The following C6orf132 variants were observed in gnomAD, a reference collection of about 807,000 sequenced individuals.
The protein encoded by C6orf132 is uncharacterized protein C6orf132.
In C6orf132, 43 loss-of-function variants were observed where a neutral mutation model predicts 65.3. That is an observed-to-expected ratio of 0.66 (90% CI 0.52 to 0.85). The LOEUF (loss-of-function observed/expected upper bound fraction) is 0.85. Ranked by LOEUF, C6orf132 falls within the 40% of genes least tolerant of loss-of-function variation. The pLI is 0.00. For synonymous variants in C6orf132, 631 were observed against 654.1 expected, an observed-to-expected ratio of 0.96 and a Z score of 0.54; for missense variants, 1,488 against 1,548.8, an observed-to-expected ratio of 0.96 and a Z score of 0.66.
intron 3 of C6orf132, among the ~76,000 whole-genome samples, chr6:42,109,886 G>A (rs1380782974): frequency 6.6e-6 from 1 of 152,178 alleles, no homozygotes; most frequent in Non-Finnish European, 1.5e-5. Flanking sequence ...TTGCCCAAGG[G>A]AGCAAAGTGA....
At chr6:42,126,663 G>T in intron 2 of C6orf132, 1 of 246,190 alleles carries the variant, frequency 4.1e-6, no homozygotes, top group Non-Finnish European at 7.7e-6. Context: ...CCAAAATGGT[G>T]AAACCCTGTC....
At chr6:42,123,167 G>C (rs1158788938) in intron 2 of C6orf132, among the ~76,000 whole-genome samples, 1 of 151,970 alleles carries the variant, frequency 6.6e-6, no homozygotes, top group Non-Finnish European at 1.5e-5. Flanking sequence ...AGATCATGAG[G>C]ACAGGAGATC....
intron 2 of C6orf132, chr6:42,126,367 C>T (rs1311707860): frequency 6.6e-6 from 1 of 151,474 alleles, no homozygotes; most frequent in African/African-American, 2.4e-5. Flanking sequence ...CATGAGCCAC[C>T]ACACCTGGCT....
At chr6:42,140,477 T>C (rs1767015170) in intron 1 of C6orf132, among the ~76,000 whole-genome samples, 1 of 152,240 alleles carries the variant, frequency 6.6e-6, no homozygotes, top group Non-Finnish European at 1.5e-5. Context: ...GCAGAGTTAA[T>C]TCAGCAAACC....
In C6orf132 at chr6:42,142,523, G is replaced by C. The variant is rs1057210404; in HGVS notation, c.-79C>G. The C allele has an allele frequency of 6.9e-7, 1 of 1,450,052 alleles. No homozygotes were observed. The highest frequency in any genetic ancestry group is 9.2e-7 in the Non-Finnish European group (1 of 1,082,526). The allele number at this position is 1,450,052 out of a possible 1,614,324, so 89.8% of individuals were successfully genotyped here. ...CCTGCCCCGGACTGAACTCAGCACG[G>C]TCTCCCCAGGGGACTCTACCAGGCC... On this transcript the variant is annotated 5_prime_UTR_variant, in exon 1 of 5. Transcript: ENST00000341865.
Position 42,106,710 on chromosome 6 carries a change from G to A in C6orf132, c.1202C>T (p.Pro401Leu). The stretch of plus-strand genomic sequence containing the variant: ...TGGGGGTGCTGGGGGAGGGAGGGGG[G>A]GTGCAGGAGGGGGCAGGGGAGGGGC... The part of the protein sequence containing the change: ...PPAPPLPPPA[P>L]PLPPPAPPLP... Residue 401 changes from proline (P) to leucine (L), a missense_variant, in exon 4 of 5, where the codon CCC (proline) becomes CTC (leucine). By Grantham distance (98) the Pro-to-Leu change is moderately conservative (BLOSUM62 -3). Transcript: ENST00000341865. 1 of 687,044 alleles carries A rather than the reference G, an allele frequency of 1.5e-6. No individual in the cohort carries two copies. The highest frequency in any genetic ancestry group is 2.0e-5 in the African/African-American group (1 of 50,948). 42.6% of individuals were successfully genotyped at this position (687,044 alleles called of 1,614,324 possible). A position where few individuals can be genotyped will look rare whatever the true frequency, so the allele number is the denominator to read the frequency against.
chr6:42,142,057 C>G (rs558410859), intron 1 of C6orf132, among the ~76,000 whole-genome samples: 105 of 152,184 alleles, frequency 6.9e-4, no homozygotes, highest in African/African-American at 2.4e-3. Context: ...GTGGGGGCGG[C>G]AAAGTTCTCC....
chr6:42,135,423 G>A (rs982883042), intron 1 of C6orf132, among the ~76,000 whole-genome samples: 2 of 152,222 alleles, frequency 1.3e-5, no homozygotes, highest in African/African-American at 4.8e-5. Flanking sequence ...TGGCGGGTGG[G>A]CCAGCTCCGG....
At chr6:42,137,810 CA>C (rs1360245725) in intron 1 of C6orf132, among the ~76,000 whole-genome samples, 3 of 31,092 alleles carry the variant, frequency 9.6e-5, no homozygotes, top group African/African-American at 1.4e-4. Context: ...GAGGCCGAGG[CA>C]GGGGCGGGGG....
chr6:42,125,187 G>A (rs1248564657), intron 2 of C6orf132, among the ~76,000 whole-genome samples: 1 of 152,170 alleles, frequency 6.6e-6, no homozygotes, highest in African/African-American at 2.4e-5. Context: ...GAAGGAAAAA[G>A]CTTCTATGTA....
intron 1 of C6orf132, among the ~76,000 whole-genome samples, chr6:42,137,411 G>T (rs1766961292): frequency 6.6e-6 from 1 of 152,150 alleles, no homozygotes; most frequent in South Asian, 2.1e-4. Flanking sequence ...AAGTTGGTAG[G>T]CTGGTGCCAG....
intron 2 of C6orf132, 51 bp downstream of exon 2, chr6:42,128,621 G>T (rs890780724): frequency 2.2e-5 from 31 of 1,424,368 alleles, no homozygotes; most frequent in African/African-American, 5.7e-5. Context: ...GGCAGCCTTG[G>T]TGTCCCCAGC....
intron 3 of C6orf132, 89 bp downstream of exon 3, chr6:42,110,127 C>T (rs1006305492): frequency 9.4e-7 from 1 of 1,064,020 alleles, no homozygotes; most frequent in Non-Finnish European, 1.4e-6. Flanking sequence ...TTGTCACCAG[C>T]TGTGAAGATG....
chr6:42,109,933 T>C (rs1176151626), intron 3 of C6orf132, among the ~76,000 whole-genome samples: 1 of 152,010 alleles, frequency 6.6e-6, no homozygotes, highest in East Asian at 1.9e-4. Context: ...CAGGCCCTTC[T>C]TCCACTTTAT....
At chr6:42,139,469 GT>G (rs1767001241) in intron 1 of C6orf132, among the ~76,000 whole-genome samples, 2 of 152,186 alleles carry the variant, frequency 1.3e-5, no homozygotes, top group African/African-American at 4.8e-5. Flanking sequence ...AGGCCATAAG[GT>G]CTCTTTTGTA....
At chr6:42,120,493 G>T (rs972303608) in intron 2 of C6orf132, among the ~76,000 whole-genome samples, 1 of 151,802 alleles carries the variant, frequency 6.6e-6, no homozygotes, top group Non-Finnish European at 1.5e-5. Context: ...TGATCCGCCC[G>T]CCTAGGCCTC....
rs1324123788 is a variant in C6orf132 at position 42,105,502 on chromosome 6, T to TC, written c.2409dup (p.Lys804GlufsTer18). On this transcript the variant is annotated frameshift_variant, in exon 4 of 5. Coordinates refer to ENST00000341865, the MANE Select transcript of C6orf132 (RefSeq NM_001164446.3). LOFTEE classifies it high-confidence loss of function. ...TTGGCTGGCAGCCCTGGGGGCTCCT[T>TC]CACCTCCACGGGCTCCCCTGGCCCT... 6.5e-7 allele frequency: 1 copy of TC among 1,532,902 alleles called. No homozygotes were observed. The highest frequency in any genetic ancestry group is 1.4e-5 in the African/African-American group (1 of 72,982). The allele number at this position is 1,532,902 out of a possible 1,614,324, so 95.0% of individuals were successfully genotyped here. A position where few individuals can be genotyped will look rare whatever the true frequency, so the allele number is the denominator to read the frequency against.
At position 42,106,056 on chromosome 6, in the gene C6orf132, G is replaced by C; in HGVS notation, c.1856C>G (p.Pro619Arg). 1 of 1,537,268 alleles carries C rather than the reference G, an allele frequency of 6.5e-7. No homozygotes were observed. Among genetic ancestry groups the C allele is most frequent in the Non-Finnish European group, 8.7e-7 (1 of 1,146,906 alleles). Residue 619 changes from proline to arginine, a missense_variant, in exon 4 of 5, where the codon CCA becomes CGA. By Grantham distance (103) the Pro-to-Arg change is moderately radical. Coordinates refer to ENST00000341865, the MANE Select transcript of C6orf132 (RefSeq NM_001164446.3). ...KLSKPVAKNL[P>R]PQSTTLLPTT... The stretch of plus-strand genomic sequence containing the variant: ...TGGCAGCAGGGTGGTGGATTGAGGT[G>C]GCAGATTCTTGGCCACAGGCTTGGA...
intron 1 of C6orf132, among the ~76,000 whole-genome samples, chr6:42,131,304 T>C (rs72868755): frequency 0.26 from 39,006 of 152,212 alleles, 5,556 homozygotes; most frequent in African/African-American, 0.38. Flanking sequence ...TACAGGTGTG[T>C]ACCACGCGCC....
Sources: allele counts gnomAD v4.1 joint callset (sites outside exome capture counted in the v4.1 genomes callset), GRCh38; gene constraint gnomAD v4.1.1; transcripts MANE v1.5; gene names NCBI Gene and HGNC (gene_info 2026-07-23, HGNC 2026-07-21).